The following UBE2N variants were observed in gnomAD, a reference collection of about 807,000 sequenced individuals.
UBE2N encodes ubiquitin conjugating enzyme E2 N, also known as ubiquitin-conjugating enzyme E2 N.
For synonymous variants in UBE2N, 70 were observed against 69.2 expected, an observed-to-expected ratio of 1.01 and a Z score of -0.06; for missense variants, 60 against 192.1, an observed-to-expected ratio of 0.31 and a Z score of 4.07.
At chr12:93,431,094 GCGGGCACCTGTAATC>G (rs1878756902) in intron 1 of UBE2N, among the ~76,000 whole-genome samples, 2 of 152,128 alleles carry the variant, frequency 1.3e-5, no homozygotes, top group Admixed American at 1.3e-4. Context: ...GGGTGTGGTG[GCGGGCACCTGTAATC>G]CCAGCTACTC....
At chr12:93,416,332 ATGAC>A (rs1878206743) in intron 1 of UBE2N, among the ~76,000 whole-genome samples, 2 of 152,206 alleles carry the variant, frequency 1.3e-5, no homozygotes, top group South Asian at 2.1e-4. Flanking sequence ...TATTCAACAC[ATGAC>A]TAACTAAAAT....
At chr12:93,428,451 C>T (rs1878657236) in intron 1 of UBE2N, among the ~76,000 whole-genome samples, 1 of 152,126 alleles carries the variant, frequency 6.6e-6, no homozygotes. Flanking sequence ...CTCTAAAAAC[C>T]TTTCCCTAAA....
At chr12:93,414,320 A>T (rs1044886088) in intron 1 of UBE2N, among the ~76,000 whole-genome samples, 7 of 142,146 alleles carry the variant, frequency 4.9e-5, no homozygotes, top group Admixed American at 3.4e-4. Flanking sequence ...ATGGTGGCGC[A>T]TGCCTGTAAT....
rs570609800 is a variant in UBE2N at position 93,410,727 on chromosome 12, T to G, written c.418+7A>C. On this transcript the variant is annotated splice_region_variant and intron_variant, in intron 3 of 3. Transcript: ENST00000318066. ...AAGTGGTGTGAAGGAGAATGAATATTAGATACCTGTTTCTATGGCTTGGGC... is the reference window on the plus strand; with the variant it reads ...AAGTGGTGTGAAGGAGAATGAATATGAGATACCTGTTTCTATGGCTTGGGC... 1.2e-6 allele frequency: 2 copies of G among 1,614,082 alleles called. No individual in the cohort carries two copies. The highest frequency in any genetic ancestry group is 1.7e-6 in the Non-Finnish European group (2 of 1,179,936).
rs1877952747 is a variant in UBE2N, at chr12:93,409,018, T to G, written c.*1021A>C. 2 of 152,686 alleles carry G rather than the reference T, an allele frequency of 1.3e-5. No homozygotes were observed. Among genetic ancestry groups the G allele is most frequent in the Admixed American group, 1.3e-4 (2 of 15,284 alleles). 9.5% of individuals were successfully genotyped at this position (152,686 alleles called of 1,614,324 possible). A position where few individuals can be genotyped will look rare whatever the true frequency, so the allele number is the denominator to read the frequency against. ...TCACAACTGCTATCTTTGCTGTGAC[T>G]TTCCTGTACAGTAATTTTTAAACAT... On this transcript the variant is annotated 3_prime_UTR_variant, in exon 4 of 4. Coordinates refer to ENST00000318066, the MANE Select transcript of UBE2N (RefSeq NM_003348.4).
Position 93,405,915 on chromosome 12 carries a change from A to AT in UBE2N, c.*4123dup, listed in dbSNP as rs955233786. On this transcript the variant is annotated 3_prime_UTR_variant, in exon 4 of 4. Coordinates refer to ENST00000318066, the MANE Select transcript of UBE2N (RefSeq NM_003348.4). Reference sequence around the variant, plus strand: ...AAATTAGGTACCCTATTATCATGGTATTTTCTTTTTTGGCCAGCTTTTCTA... The same window carrying AT: ...AAATTAGGTACCCTATTATCATGGTATTTTTCTTTTTTGGCCAGCTTTTCTA... 2 of 152,042 alleles carry AT rather than the reference A, an allele frequency of 1.3e-5. No homozygotes were observed. Among genetic ancestry groups the AT allele is most frequent in the Non-Finnish European group, 2.9e-5 (2 of 67,988 alleles). 9.4% of individuals were successfully genotyped at this position (152,042 alleles called of 1,614,324 possible). A position where few individuals can be genotyped will look rare whatever the true frequency, so the allele number is the denominator to read the frequency against.
At chr12:93,440,287 C>T (rs1011749541) in intron 1 of UBE2N, among the ~76,000 whole-genome samples, 1 of 152,154 alleles carries the variant, frequency 6.6e-6, no homozygotes, top group African/African-American at 2.4e-5. Flanking sequence ...ATAACTAAAA[C>T]CACGTTGTAC....
chr12:93,415,457 C>T (rs1878177174), intron 1 of UBE2N, among the ~76,000 whole-genome samples: 1 of 152,182 alleles, frequency 6.6e-6, no homozygotes, highest in Admixed American at 6.5e-5. Flanking sequence ...AAGTGAGAAA[C>T]TGACATGTTC....
chr12:93,410,353 T>C (rs1429212715), intron 3 of UBE2N: 1 of 492,632 alleles, frequency 2.0e-6, no homozygotes, highest in Non-Finnish European at 3.6e-6. Flanking sequence ...ACTAATTTTC[T>C]TAAAATCTGT....
At chr12:93,411,777 C>T (rs1390831316) in intron 1 of UBE2N, among the ~76,000 whole-genome samples, 1 of 152,034 alleles carries the variant, frequency 6.6e-6, no homozygotes, top group Admixed American at 6.6e-5. Flanking sequence ...ACTGCAGCCT[C>T]GACCTCCCTG....
rs549877701 is a variant in UBE2N at position 93,406,579 on chromosome 12, C to T, written c.*3460G>A. 1.3e-5 allele frequency: 2 copies of T among 152,250 alleles called. No homozygotes were observed. Among genetic ancestry groups the T allele is most frequent in the Admixed American group, 6.5e-5 (1 of 15,284 alleles). 9.4% of individuals were successfully genotyped at this position (152,250 alleles called of 1,614,324 possible). On this transcript the variant is annotated 3_prime_UTR_variant, in exon 4 of 4. Transcript: ENST00000318066. ...CCTCCATATCCATGGGTTCCACTTCCGTGGATTCAAACAACCAGACAAAAT... is the reference window on the plus strand; with the variant it reads ...CCTCCATATCCATGGGTTCCACTTCTGTGGATTCAAACAACCAGACAAAAT...
chr12:93,437,290 G>C (rs1878962161), intron 1 of UBE2N, among the ~76,000 whole-genome samples: 1 of 151,658 alleles, frequency 6.6e-6, no homozygotes. Flanking sequence ...TATGTATATA[G>C]TGTACTATGA....
chr12:93,409,782 A>G lies in UBE2N; in HGVS notation c.*257T>C. 2 of 448,358 alleles carry G rather than the reference A, an allele frequency of 4.5e-6. No homozygotes were observed. The highest frequency in any genetic ancestry group is 4.6e-5 in the Admixed American group (1 of 21,830). 27.8% of individuals were successfully genotyped at this position (448,358 alleles called of 1,614,324 possible). On this transcript the variant is annotated 3_prime_UTR_variant, in exon 4 of 4. Coordinates refer to ENST00000318066, the MANE Select transcript of UBE2N (RefSeq NM_003348.4). Reference sequence around the variant, plus strand: ...TTAAACCAGGATGGGGGAAATGAATAAAAGCAGGGAGGGGCCACTGCTTTT... The same window carrying G: ...TTAAACCAGGATGGGGGAAATGAATGAAAGCAGGGAGGGGCCACTGCTTTT...
chr12:93,438,012 CGA>C (rs1878986241), intron 1 of UBE2N, among the ~76,000 whole-genome samples: 1 of 152,144 alleles, frequency 6.6e-6, no homozygotes, highest in Admixed American at 6.5e-5. Flanking sequence ...GGGTGGAAAA[CGA>C]GACTAGCTTT....
chr12:93,415,264 C>T (rs1878170051), intron 1 of UBE2N, among the ~76,000 whole-genome samples: 2 of 152,212 alleles, frequency 1.3e-5, no homozygotes, highest in South Asian at 4.1e-4. Flanking sequence ...ACAGGGCATA[C>T]GTTAAAAACA....
At position 93,409,440 on chromosome 12, in the gene UBE2N, T is replaced by C. The variant is rs972119708; in HGVS notation, c.*599A>G. On this transcript the variant is annotated 3_prime_UTR_variant, in exon 4 of 4. Transcript: ENST00000318066. ...CATACAAAATGGTCACAAGCTTTTT[T>C]TGAAGGGGGGAATCTACACTTGACA... is the stretch of plus-strand genomic sequence containing the variant. The C allele has an allele frequency of 1.2e-5, 2 of 166,868 alleles. No homozygotes were observed. The highest frequency in any genetic ancestry group is 4.8e-5 in the African/African-American group (2 of 41,406). The allele number at this position is 166,868 out of a possible 1,614,324, so 10.3% of individuals were successfully genotyped here.
In UBE2N at chr12:93,424,781, T is replaced by C. The variant is rs553752186; in HGVS notation, c.31-13482A>G. ...ATTACCTAACCCATGGAAAATGGAT[T>C]ACACATATGATAATTTTAATGAAAT... On this transcript the variant is annotated intron_variant, in intron 1 of 3. Coordinates refer to ENST00000318066, the MANE Select transcript of UBE2N (RefSeq NM_003348.4). Among the ~76,000 whole-genome samples, 5 of 152,360 alleles carry C rather than the reference T, an allele frequency of 3.3e-5. No individual in the cohort carries two copies. The South Asian group carries it at 6.2e-4, about 19-fold the overall frequency.
chr12:93,419,744 T>TG (rs1363129074), intron 1 of UBE2N, among the ~76,000 whole-genome samples: 5 of 152,236 alleles, frequency 3.3e-5, no homozygotes, highest in Non-Finnish European at 7.3e-5. Context: ...GATCACTCCT[T>TG]GCTTTGGTAA....
intron 1 of UBE2N, among the ~76,000 whole-genome samples, chr12:93,413,511 G>GAT (rs1878099146): frequency 6.6e-6 from 1 of 151,980 alleles, no homozygotes; most frequent in Non-Finnish European, 1.5e-5. Context: ...CTACCTGCTT[G>GAT]ATATACACTC....
Sources: gnomAD v4.1 joint callset for allele counts (sites outside exome capture counted in the v4.1 genomes callset) on GRCh38, gnomAD v4.1.1 for gene constraint, MANE v1.5 for transcripts, NCBI Gene and HGNC (gene_info 2026-07-23, HGNC 2026-07-21) for gene names.